The following SH3RF3 variants were observed in gnomAD, a reference collection of about 807,000 sequenced individuals.
SH3RF3 encodes the protein SH3 domain containing ring finger 3.
SH3RF3 carries 29 observed loss-of-function variants against 66.3 expected under a neutral mutation model. That is an observed-to-expected ratio of 0.44 (90% confidence interval 0.33 to 0.60). SH3RF3 has a LOEUF of 0.60. SH3RF3 is among the 20% of genes least tolerant of loss of function. SH3RF3 has a pLI of 0.04. For missense variants in SH3RF3, 1,194 were observed against 1,190.9 expected, an observed-to-expected ratio of 1.00 and a Z score of -0.04; for synonymous variants, 583 against 532.0, an observed-to-expected ratio of 1.10 and a Z score of -1.32.
chr2:109,228,190 C>G (rs1207180963), intron 1 of SH3RF3, among the ~76,000 whole-genome samples: 1 of 152,146 alleles, frequency 6.6e-6, no homozygotes, highest in Non-Finnish European at 1.5e-5. Context: ...GCTTATAATA[C>G]TGTCAGAAAT....
In SH3RF3 at chr2:109,413,624, T is replaced by C. The variant is rs563548868; in HGVS notation, c.1300-5915T>C. ...CCCAAATCACCAGGACCTGGGGCTG[T>C]ATGAGAACGTCTCTGGCCCCCACAT... On this transcript the variant is annotated intron_variant, in intron 4 of 9. Transcript: ENST00000309415. 2.0e-5 allele frequency among the ~76,000 whole-genome samples: 3 copies of C among 152,298 alleles called. 1 individual carries two copies. In the South Asian group the frequency reaches 6.2e-4, roughly 32 times the overall value.
At chr2:109,360,567 G>T (rs1253167020) in intron 2 of SH3RF3, among the ~76,000 whole-genome samples, 4 of 152,142 alleles carry the variant, frequency 2.6e-5, no homozygotes, top group Non-Finnish European at 4.4e-5. Context: ...TCCAAAATCT[G>T]AAAACATCTG....
intron 1 of SH3RF3, among the ~76,000 whole-genome samples, chr2:109,229,531 G>T (rs565262809): frequency 6.6e-6 from 1 of 152,120 alleles, no homozygotes; most frequent in Non-Finnish European, 1.5e-5. Context: ...TTGAGAGCCC[G>T]ATACGGGAGG....
intron 8 of SH3RF3, among the ~76,000 whole-genome samples, chr2:109,470,949 G>A (rs1678486575): frequency 6.6e-6 from 1 of 152,180 alleles, no homozygotes; most frequent in African/African-American, 2.4e-5. Context: ...GCTGGGTGCG[G>A]TGGCTCACGC....
intron 1 of SH3RF3, among the ~76,000 whole-genome samples, chr2:109,233,562 A>G (rs1301318541): frequency 6.6e-6 from 1 of 152,216 alleles, no homozygotes; most frequent in African/African-American, 2.4e-5. Context: ...GAAAACAGGG[A>G]TAACTGTTCT....
chr2:109,364,090 T>C (rs766421817), intron 2 of SH3RF3, among the ~76,000 whole-genome samples: 2 of 152,134 alleles, frequency 1.3e-5, no homozygotes, highest in Non-Finnish European at 2.9e-5. Flanking sequence ...GTATTCCCAT[T>C]ACATATGTAT....
At chr2:109,457,625 G>A (rs954761993) in intron 8 of SH3RF3, among the ~76,000 whole-genome samples, 1 of 152,254 alleles carries the variant, frequency 6.6e-6, no homozygotes, top group African/African-American at 2.4e-5. Flanking sequence ...ACACTGCATG[G>A]CCGGGAGCCC....
At chr2:109,436,784 G>A (rs1677411941) in intron 6 of SH3RF3, 109 bp from the exon 7 acceptor site, 1 of 1,460,640 alleles carries the variant, frequency 6.8e-7, no homozygotes, top group Non-Finnish European at 9.1e-7. Flanking sequence ...AGATCAGTTG[G>A]CCTTCATCTC....
At chr2:109,488,373 C>G (rs556176944) in intron 8 of SH3RF3, among the ~76,000 whole-genome samples, 1 of 152,340 alleles carries the variant, frequency 6.6e-6, no homozygotes, top group African/African-American at 2.4e-5. Context: ...AGGTCACCCT[C>G]TCATCAAGAA....
intron 1 of SH3RF3, among the ~76,000 whole-genome samples, chr2:109,195,208 ATAGGAC>A (rs58885368): frequency 0.82 from 123,522 of 151,322 alleles, 50,540 homozygotes; most frequent in East Asian, 0.89. Flanking sequence ...TAGGAGAGTG[ATAGGAC>A]TAGGACTAGG....
At chr2:109,269,282 C>T (rs1487106419) in intron 1 of SH3RF3, among the ~76,000 whole-genome samples, 2 of 152,162 alleles carry the variant, frequency 1.3e-5, no homozygotes, top group East Asian at 3.9e-4. Flanking sequence ...AAGGGACTGC[C>T]ACCAAACAAG....
chr2:109,461,689 C>T (rs555677499), intron 8 of SH3RF3, among the ~76,000 whole-genome samples: 7 of 151,796 alleles, frequency 4.6e-5, no homozygotes, highest in African/African-American at 1.7e-4. Context: ...GGTGATCCAC[C>T]TGCCAGAGGC....
intron 1 of SH3RF3, among the ~76,000 whole-genome samples, chr2:109,228,097 G>A (rs1679413767): frequency 6.6e-6 from 1 of 152,134 alleles, no homozygotes; most frequent in Non-Finnish European, 1.5e-5. Context: ...ACTCTCTCTT[G>A]ACACATACAG....
At chr2:109,399,002 T>A (rs1676233042) in intron 4 of SH3RF3, 59 bp downstream of exon 4, 1 of 1,502,430 alleles carries the variant, frequency 6.7e-7, no homozygotes, top group East Asian at 2.4e-5. Context: ...TATCCTCAGC[T>A]CCGTGTTCAG....
At chr2:109,242,908 C>T (rs994161671) in intron 1 of SH3RF3, among the ~76,000 whole-genome samples, 1 of 152,318 alleles carries the variant, frequency 6.6e-6, no homozygotes, top group Non-Finnish European at 1.5e-5. Context: ...CCTCACAGAA[C>T]AGCATTAGGA....
intron 1 of SH3RF3, among the ~76,000 whole-genome samples, chr2:109,289,093 A>G (rs1271568162): frequency 6.6e-6 from 1 of 152,210 alleles, no homozygotes; most frequent in East Asian, 1.9e-4. Context: ...AGCTGGCGTT[A>G]TAAAGCTGAA....
chr2:109,199,628 G>GTTCC (rs1678609314), intron 1 of SH3RF3, among the ~76,000 whole-genome samples: 2 of 98 alleles, frequency 0.02, no homozygotes, highest in Non-Finnish European at 0.045. Context: ...GGAATGGAAT[G>GTTCC]GAATGGAATG....
intron 1 of SH3RF3, among the ~76,000 whole-genome samples, chr2:109,205,960 A>G (rs1678799345): frequency 6.6e-6 from 1 of 152,224 alleles, no homozygotes; most frequent in Admixed American, 6.5e-5. Flanking sequence ...TCTTTGTAAC[A>G]TTGAGATTTA....
intron 1 of SH3RF3, among the ~76,000 whole-genome samples, chr2:109,249,966 G>A (rs1230972109): frequency 6.6e-6 from 1 of 150,768 alleles, no homozygotes; most frequent in Non-Finnish European, 1.5e-5. Context: ...TTACAGGCGT[G>A]AGCCACCGCG....
Sources: gnomAD v4.1 joint callset for allele counts (sites outside exome capture counted in the v4.1 genomes callset) on GRCh38, gnomAD v4.1.1 for gene constraint, MANE v1.5 for transcripts, NCBI Gene and HGNC (gene_info 2026-07-23, HGNC 2026-07-21) for gene names.